CHRNA7: variants seen among roughly 807,000 people sequenced by gnomAD.
CHRNA7 encodes cholinergic receptor nicotinic alpha 7 subunit, also known as neuronal acetylcholine receptor subunit alpha-7.
A neutral mutation model predicts 48.0 loss-of-function variants in CHRNA7; 17 were observed. The observed-to-expected ratio is 0.35, with a 90% CI of 0.24 to 0.53. CHRNA7 has a LOEUF of 0.53. Among genes scored for constraint, CHRNA7 ranks in the 20% least tolerant of loss-of-function variants. The probability of loss-of-function intolerance (pLI) is 0.92; values close to 1 mark genes in which losing one functional copy is unlikely to be tolerated. For missense variants in CHRNA7, 155 were observed against 577.7 expected (o/e 0.27, Z 7.50); for synonymous variants, 75 against 242.3 (o/e 0.31, Z 6.41).
At chr15:32,121,685 C>T (rs1042646970) in intron 4 of CHRNA7, among the ~76,000 whole-genome samples, 4 of 152,162 alleles carry the variant, frequency 2.6e-5, no homozygotes, top group Admixed American at 6.5e-5. Context: ...TGGGACAGCC[C>T]GGGTTTGTGC....
rs1008612982 is a variant in CHRNA7 at position 32,149,961 on chromosome 15, T to C, written c.351-3946T>C. On this transcript the variant is annotated intron_variant, in intron 4 of 9. Coordinates refer to ENST00000306901, the MANE Select transcript of CHRNA7 (RefSeq NM_000746.6). The surrounding 1 kb of genome is among the most constrained non-coding windows in gnomAD (Gnocchi z 4.6). ...AAATCAGACAGGAAGAAACCCAAGC[T>C]TAAAATAAGCAAAACTTTGTTCCCC... 1.3e-5 allele frequency among the ~76,000 whole-genome samples: 2 copies of C among 152,112 alleles called. No homozygotes were observed. The highest frequency in any genetic ancestry group is 2.1e-4 in the South Asian group (1 of 4,828).
chr15:32,143,259 A>G (rs2141342747), intron 4 of CHRNA7, among the ~76,000 whole-genome samples: 1 of 152,236 alleles, frequency 6.6e-6, no homozygotes, highest in Non-Finnish European at 1.5e-5. Flanking sequence ...CTTGAGTTCT[A>G]ATTTGATTGC....
chr15:32,043,093 C>T (rs1333404372), intron 2 of CHRNA7, among the ~76,000 whole-genome samples: 1 of 152,104 alleles, frequency 6.6e-6, no homozygotes, highest in Non-Finnish European at 1.5e-5. Flanking sequence ...TGTATGGTGC[C>T]TTAAGCAGTA....
chr15:32,118,678 C>T, intron 4 of CHRNA7, among the ~76,000 whole-genome samples: 1 of 152,106 alleles, frequency 6.6e-6, no homozygotes, highest in Non-Finnish European at 1.5e-5. Context: ...GTGAAGGCTC[C>T]CTCAGCATAA....
chr15:32,086,082 A>T (rs912952015), intron 2 of CHRNA7, among the ~76,000 whole-genome samples: 3 of 152,162 alleles, frequency 2.0e-5, no homozygotes, highest in Non-Finnish European at 4.4e-5. Context: ...AAAGATAAAC[A>T]CTTTTGGCCA....
At chr15:32,078,785 A>G (rs909622178) in intron 2 of CHRNA7, among the ~76,000 whole-genome samples, 21 of 152,168 alleles carry the variant, frequency 1.4e-4, no homozygotes, top group Admixed American at 2.6e-4. Flanking sequence ...GAGGGACTCC[A>G]CCCTAACTCA....
At chr15:32,142,497 A>G (rs1479664746) in intron 4 of CHRNA7, among the ~76,000 whole-genome samples, 1 of 152,212 alleles carries the variant, frequency 6.6e-6, no homozygotes, top group African/African-American at 2.4e-5. Context: ...AAGAAATGGT[A>G]CCGGCTCCTC....
chr15:32,167,884 TG>T, intron 9 of CHRNA7, 55 bp from the exon 10 acceptor site: 1 of 1,526,300 alleles, frequency 6.6e-7, no homozygotes, highest in East Asian at 2.4e-5. Context: ...TTACTGCTGT[TG>T]GGATCAGCCC....
At chr15:32,068,885 T>C (rs1334848287) in intron 2 of CHRNA7, among the ~76,000 whole-genome samples, 2 of 151,466 alleles carry the variant, frequency 1.3e-5, no homozygotes, top group Non-Finnish European at 2.9e-5. Context: ...TAAAGGGGAG[T>C]AATAGACAAT....
chr15:32,046,010 A>G (rs1332607042), intron 2 of CHRNA7, among the ~76,000 whole-genome samples: 1 of 150,934 alleles, frequency 6.6e-6, no homozygotes, highest in Non-Finnish European at 1.5e-5. Flanking sequence ...ATCATTTTTT[A>G]TGGCTGCATA....
At chr15:32,107,386 A>G (rs1047971845) in intron 3 of CHRNA7, among the ~76,000 whole-genome samples, 1 of 152,120 alleles carries the variant, frequency 6.6e-6, no homozygotes, top group Non-Finnish European at 1.5e-5. Context: ...GATGACTGAC[A>G]GAGCTCAGGA....
At chr15:32,146,504 T>C (rs950541857) in intron 4 of CHRNA7, among the ~76,000 whole-genome samples, 1 of 152,196 alleles carries the variant, frequency 6.6e-6, no homozygotes, top group African/African-American at 2.4e-5. Context: ...GTTTTTTACA[T>C]AGAAAATCCC....
At position 32,107,114 on chromosome 15, in the gene CHRNA7, A is replaced by G. The variant is rs576995905; in HGVS notation, c.241-4676A>G. ...AATGGACGGGAATAATTTTGAAAAG[A>G]TAAGTGTTTTCTGACATCAAACGTG... On this transcript the variant is annotated intron_variant, in intron 3 of 9. Transcript: ENST00000306901. Among the ~76,000 whole-genome samples the G allele has an allele frequency of 1.6e-4, 25 of 152,272 alleles. No individual in the cohort carries two copies. In the South Asian group the frequency reaches 3.5e-3, roughly 22 times the overall value.
intron 3 of CHRNA7, among the ~76,000 whole-genome samples, chr15:32,105,200 C>G (rs2050642878): frequency 6.6e-6 from 1 of 152,218 alleles, no homozygotes; most frequent in Admixed American, 6.5e-5. Context: ...TAACTCACCT[C>G]CTCTTGGAGC....
At position 32,168,754 on chromosome 15, in the gene CHRNA7, GAGCTCCCCATGGCTCCTC is replaced by G; in HGVS notation, c.*298_*315del. Reference sequence around the variant, plus strand: ...CCCACTGCCTGGAAAGCCCTTCGGAGAGCTCCCCATGGCTCCTCACCACCGAGACAGTTGGTTTTGCAT... The same window carrying G: ...CCCACTGCCTGGAAAGCCCTTCGGAGACCACCGAGACAGTTGGTTTTGCAT... On this transcript the variant is annotated 3_prime_UTR_variant, in exon 10 of 10. Transcript: ENST00000306901. 1 of 82,324 alleles carries G rather than the reference GAGCTCCCCATGGCTCCTC, an allele frequency of 1.2e-5. No individual in the cohort carries two copies. Among genetic ancestry groups the G allele is most frequent in the Non-Finnish European group, 2.1e-5 (1 of 48,258 alleles). 5.1% of individuals were successfully genotyped at this position (82,324 alleles called of 1,614,324 possible).
intron 2 of CHRNA7, among the ~76,000 whole-genome samples, chr15:32,085,655 T>C (rs188901851): frequency 1.7e-4 from 26 of 152,344 alleles, no homozygotes; most frequent in African/African-American, 5.8e-4. Context: ...TGACTCCAAT[T>C]TTTGTATCCC....
intron 3 of CHRNA7, among the ~76,000 whole-genome samples, chr15:32,107,646 C>T (rs1446948778): frequency 6.6e-6 from 1 of 152,158 alleles, no homozygotes; most frequent in Non-Finnish European, 1.5e-5. Context: ...TGGAAGGACG[C>T]AGCGGACAGG....
intron 2 of CHRNA7, among the ~76,000 whole-genome samples, chr15:32,096,985 T>A (rs1200898846): frequency 6.6e-6 from 1 of 151,210 alleles, no homozygotes; most frequent in African/African-American, 2.4e-5. Flanking sequence ...GAGAGGGGAG[T>A]GTAGATCTTG....
At chr15:32,034,302 A>G (rs1387530574) in intron 2 of CHRNA7, among the ~76,000 whole-genome samples, 1 of 152,166 alleles carries the variant, frequency 6.6e-6, no homozygotes, top group Non-Finnish European at 1.5e-5. Context: ...GTTTTATGGG[A>G]CACTGGCAAC....
Sources: allele counts gnomAD v4.1 joint callset (sites outside exome capture counted in the v4.1 genomes callset), GRCh38; gene constraint gnomAD v4.1.1; non-coding constraint Gnocchi (gnomAD v3.1); transcripts MANE v1.5; gene names NCBI Gene and HGNC (gene_info 2026-07-23, HGNC 2026-07-21).